NLRP11: variants seen among roughly 807,000 people sequenced by gnomAD.
The protein encoded by NLRP11 is NACHT, LRR and PYD domains-containing protein 11.
In NLRP11, 53 loss-of-function variants were observed where a neutral mutation model predicts 79.3. The ratio of observed to expected loss-of-function variants is 0.67; its 90% CI spans 0.54 to 0.84. The LOEUF (loss-of-function observed/expected upper bound fraction) is 0.84, where lower values mean the gene tolerates loss of function less well. Among genes scored for constraint, NLRP11 ranks in the 40% least tolerant of loss-of-function variants. The pLI is 0.00. For synonymous variants in NLRP11, 518 were observed against 462.6 expected (o/e 1.12, Z -1.54); for missense variants, 1,264 against 1,255.0 (o/e 1.01, Z -0.11).
chr19:55,802,156 G>A (rs2122775895), intron 4 of NLRP11, among the ~76,000 whole-genome samples: 2 of 152,260 alleles, frequency 1.3e-5, no homozygotes, highest in South Asian at 4.2e-4. Flanking sequence ...CGTTTCAGCA[G>A]TCCCAGCCAG....
intron 1 of NLRP11, among the ~76,000 whole-genome samples, chr19:55,831,578 T>A (rs977905524): frequency 6.6e-6 from 1 of 151,950 alleles, no homozygotes; most frequent in Admixed American, 6.6e-5. Flanking sequence ...AATAAATAAA[T>A]AAAAATATTC....
intron 1 of NLRP11, among the ~76,000 whole-genome samples, chr19:55,820,008 A>G (rs1981527217): frequency 6.6e-6 from 1 of 152,162 alleles, no homozygotes; most frequent in Non-Finnish European, 1.5e-5. Flanking sequence ...TAAAGGGGTA[A>G]AAAAATGGGC....
At chr19:55,823,111 C>T (rs1302665389) in intron 1 of NLRP11, among the ~76,000 whole-genome samples, 6 of 147,004 alleles carry the variant, frequency 4.1e-5, no homozygotes, top group East Asian at 2.1e-4. Flanking sequence ...GACCCCTGAC[C>T]CCCAAGCAGC....
exon 3 of NLRP11, chr19:55,810,084 A>T: frequency 6.2e-7 from 1 of 1,614,164 alleles, no homozygotes; most frequent in Non-Finnish European, 8.5e-7. Context: ...ATGTTCTGCC[A>T]CATCTCACCC....
upstream of NLRP11, among the ~76,000 whole-genome samples, chr19:55,835,749 G>A (rs979405490): frequency 2.0e-5 from 3 of 150,536 alleles, no homozygotes; most frequent in Middle Eastern, 3.5e-3. Flanking sequence ...TTGGGAGGCC[G>A]AGGCGGTCAG....
At chr19:55,806,584 C>T (rs73058177) in intron 4 of NLRP11, among the ~76,000 whole-genome samples, 2 of 152,294 alleles carry the variant, frequency 1.3e-5, no homozygotes, top group African/African-American at 2.4e-5. Context: ...AAAGAGCCTC[C>T]TCTGAGCTTT....
rs144971941 is a variant in NLRP11 at position 55,795,216 on chromosome 19, C to T, written c.2342+864G>A. On this transcript the variant is annotated intron_variant, in intron 6 of 9. Transcript: ENST00000589093. Reference sequence around the variant, plus strand: ...TTTCTAGCCACTTTCCCAGAGCAGACAGAGCTTACCTACGAGTAACCCACA... The same window carrying T: ...TTTCTAGCCACTTTCCCAGAGCAGATAGAGCTTACCTACGAGTAACCCACA... Among the ~76,000 whole-genome samples the T allele has an allele frequency of 1.7e-3, 258 of 152,252 alleles. 2 individuals carry two copies. Among genetic ancestry groups the T allele is most frequent in the African/African-American group, 5.8e-3 (240 of 41,548 alleles).
intron 7 of NLRP11, among the ~76,000 whole-genome samples, chr19:55,790,278 G>C (rs1990158164): frequency 6.6e-6 from 1 of 152,190 alleles, no homozygotes; most frequent in African/African-American, 2.4e-5. Context: ...TAAGGGGCCA[G>C]ATAATAGTTT....
exon 2 of NLRP11, chr19:55,817,996 T>C: frequency 6.2e-7 from 1 of 1,613,716 alleles, no homozygotes; most frequent in Non-Finnish European, 8.5e-7. Context: ...CTGTCCCTCA[T>C]AAGAGATTGG....
chr19:55,834,708 C>T (rs973362216), upstream of NLRP11, among the ~76,000 whole-genome samples: 2 of 152,132 alleles, frequency 1.3e-5, no homozygotes, highest in South Asian at 2.1e-4. Flanking sequence ...ACCACCCAAC[C>T]ACCTATCACT....
intron 1 of NLRP11, among the ~76,000 whole-genome samples, chr19:55,818,920 T>C (rs1981401383): frequency 6.6e-6 from 1 of 152,172 alleles, no homozygotes; most frequent in Non-Finnish European, 1.5e-5. Context: ...AAGTTTTTTA[T>C]ACAACCAATT....
At chr19:55,787,363 G>C (rs1989942580) in intron 9 of NLRP11, among the ~76,000 whole-genome samples, 1 of 152,184 alleles carries the variant, frequency 6.6e-6, no homozygotes, top group South Asian at 2.1e-4. Context: ...TTGAGATGGA[G>C]TCTTGCTCTG....
intron 2 of NLRP11, among the ~76,000 whole-genome samples, chr19:55,810,969 T>A (rs769219528): frequency 1.3e-5 from 2 of 152,172 alleles, no homozygotes; most frequent in African/African-American, 2.4e-5. Context: ...TAGGTAGCCT[T>A]CAATTATGTT....
intron 5 of NLRP11, among the ~76,000 whole-genome samples, chr19:55,800,734 T>C (rs1979399582): frequency 6.6e-6 from 1 of 152,190 alleles, no homozygotes; most frequent in African/African-American, 2.4e-5. Flanking sequence ...GGTCAAACAT[T>C]TCTGATGAAA....
exon 10 of NLRP11, chr19:55,785,621 A>AGTACG: frequency 6.2e-7 from 1 of 1,610,236 alleles, no homozygotes; most frequent in Non-Finnish European, 8.5e-7. Context: ...TACGTACAAC[A>AGTACG]TGATCAAAGG....
chr19:55,820,126 G>T (rs963946028), intron 1 of NLRP11, among the ~76,000 whole-genome samples: 1 of 152,084 alleles, frequency 6.6e-6, no homozygotes, highest in Non-Finnish European at 1.5e-5. Flanking sequence ...ATTTTCATTT[G>T]CCCTAAAGGA....
chr19:55,833,502 A>C (rs1199604937), upstream of NLRP11, among the ~76,000 whole-genome samples: 2 of 152,078 alleles, frequency 1.3e-5, no homozygotes, highest in Admixed American at 6.6e-5. Context: ...GCGGTGGCTC[A>C]TGCCTGTAAT....
intron 1 of NLRP11, among the ~76,000 whole-genome samples, chr19:55,819,116 T>G (rs1453582867): frequency 7.1e-6 from 1 of 141,450 alleles, no homozygotes. Flanking sequence ...CTGTACTGAG[T>G]GGTATCGCCT....
chr19:55,812,714 C>T (rs920995846), intron 2 of NLRP11, among the ~76,000 whole-genome samples: 3 of 152,028 alleles, frequency 2.0e-5, no homozygotes, highest in African/African-American at 7.2e-5. Flanking sequence ...AATAGAACTA[C>T]CCTAGGACCC....
Sources: allele counts gnomAD v4.1 joint callset (sites outside exome capture counted in the v4.1 genomes callset), GRCh38; gene constraint gnomAD v4.1.1; transcripts MANE v1.5; gene names NCBI Gene and HGNC (gene_info 2026-07-23, HGNC 2026-07-21).